ACSM3: variants seen among roughly 807,000 people sequenced by gnomAD.
ACSM3 encodes the protein acyl-CoA synthetase medium chain family member 3.
In ACSM3, 61 loss-of-function variants were observed where a neutral mutation model predicts 74.1. The ratio of observed to expected loss-of-function variants is 0.82; its 90% CI spans 0.67 to 1.02. The LOEUF (loss-of-function observed/expected upper bound fraction) is 1.02. Among genes scored for constraint, ACSM3 ranks in the 50% least tolerant of loss-of-function variants. ACSM3 has a pLI of 0.00. For missense variants in ACSM3, 660 were observed against 697.0 expected (o/e 0.95, Z 0.60); for synonymous variants, 213 against 241.5 (o/e 0.88, Z 1.09).
chr16:20,689,904 C>G (rs28502691), intron 1 of ACSM3, among the ~76,000 whole-genome samples: 2 of 152,054 alleles, frequency 1.3e-5, no homozygotes, highest in African/African-American at 2.4e-5. Context: ...CCTGCTCTCC[C>G]ACTTATTAGA....
chr16:20,775,207 C>A (rs2080241406), intron 2 of ACSM3, among the ~76,000 whole-genome samples: 1 of 152,092 alleles, frequency 6.6e-6, no homozygotes, highest in Non-Finnish European at 1.5e-5. Flanking sequence ...GGCCCCAGGG[C>A]AAGATGTAGT....
Position 20,790,685 on chromosome 16 carries a change from C to T in ACSM3, c.1323C>T (p.Tyr441=), listed in dbSNP as rs34381224. ...PNRPFGLFTH[Y]VDNPSKTAST... The stretch of plus-strand genomic sequence containing the variant: ...GACCATTTGGCCTTTTTACTCATTA[C>T]GTAGTAAGTGACTTACTAAATAATC... Residue 441 remains tyrosine, a synonymous_variant, in exon 10 of 14, where the codon TAC becomes TAT. Coordinates refer to ENST00000289416, the MANE Select transcript of ACSM3 (RefSeq NM_005622.4). This position sits in a 1 kb window ranked among gnomAD's most constrained non-coding sequence, Gnocchi z 4.0. 9 of 1,613,414 alleles carry T rather than the reference C, an allele frequency of 5.6e-6. No homozygotes were observed. The highest frequency in any genetic ancestry group is 1.3e-5 in the African/African-American group (1 of 74,908).
chr16:20,734,910 C>G (rs372683472), intron 1 of ACSM3: 1 of 152,168 alleles, frequency 6.6e-6, no homozygotes, highest in Non-Finnish European at 1.5e-5. Flanking sequence ...GACAAGGGTT[C>G]CTCATAGGTT....
At chr16:20,780,387 C>A in intron 4 of ACSM3, 1 of 465,098 alleles carries the variant, frequency 2.2e-6, no homozygotes, top group Non-Finnish European at 3.8e-6. Context: ...TCCATGATTG[C>A]AAGATCACAC....
At chr16:20,729,374 C>T in intron 1 of ACSM3, 2 of 1,331,474 alleles carry the variant, frequency 1.5e-6, no homozygotes, top group South Asian at 2.4e-5. Context: ...AGATTTGCCA[C>T]TCTTAAGAGG....
intron 1 of ACSM3, chr16:20,735,514 G>A (rs1357663937): frequency 1.3e-5 from 2 of 151,232 alleles, no homozygotes; most frequent in African/African-American, 2.4e-5. Flanking sequence ...GTGCTATAAT[G>A]TCAACATCAG....
rs1250264091 is a variant in ACSM3 at position 20,753,048 on chromosome 16, AAAG to A, written c.-95-2520_-95-2518del. ...ATGTTCTACAATGAATTACAAAGAA[AAAG>A]AAGAGAGAGATGGAATTTATAGATT... is the stretch of plus-strand genomic sequence containing the variant. On this transcript the variant is annotated intron_variant, in intron 2 of 3. Transcript: ENST00000561584. 2.0e-5 allele frequency among the ~76,000 whole-genome samples: 3 copies of A among 152,218 alleles called. No individual in the cohort carries two copies. In the East Asian group the frequency reaches 5.8e-4, roughly 29 times the overall value.
intron 1 of ACSM3, chr16:20,721,225 G>T: frequency 6.6e-6 from 1 of 152,184 alleles, no homozygotes; most frequent in East Asian, 1.9e-4. Context: ...CGGATGTCTT[G>T]TTCATCATTG....
intron 1 of ACSM3, among the ~76,000 whole-genome samples, chr16:20,678,048 CAAAG>C (rs2079346934): frequency 1.3e-5 from 1 of 78,892 alleles, no homozygotes; most frequent in Non-Finnish European, 2.2e-5. Context: ...ATAAATGAGA[CAAAG>C]AGGCAAAGCA....
At chr16:20,777,257 G>A in intron 3 of ACSM3, 116 bp from the exon 4 acceptor site, 1 of 966,202 alleles carries the variant, frequency 1.0e-6, no homozygotes, top group Admixed American at 2.8e-5. Flanking sequence ...ATATCTTCCT[G>A]GTAAACTGAC....
At chr16:20,704,329 T>C (rs1175178793) in intron 1 of ACSM3, among the ~76,000 whole-genome samples, 1 of 152,186 alleles carries the variant, frequency 6.6e-6, no homozygotes, top group Non-Finnish European at 1.5e-5. Flanking sequence ...ACATTCAAGA[T>C]TTTTAGCTAC....
At chr16:20,675,987 G>A (rs1279856878) in intron 1 of ACSM3, 1 of 152,222 alleles carries the variant, frequency 6.6e-6, no homozygotes, top group African/African-American at 2.4e-5. Context: ...AAAGTCTCAG[G>A]AAAGAGAAAA....
At chr16:20,779,285 T>C (rs548393848) in intron 4 of ACSM3, among the ~76,000 whole-genome samples, 281 of 151,692 alleles carry the variant, frequency 1.9e-3, no homozygotes, top group Non-Finnish European at 3.0e-3. Context: ...TAGCCAGGCA[T>C]GGTGATGCAT....
Position 20,769,984 on chromosome 16 carries a change from A to G in ACSM3, c.-51A>G, listed in dbSNP as rs576303905. 8 of 1,577,866 alleles carry G rather than the reference A, an allele frequency of 5.1e-6. No individual in the cohort carries two copies. In the South Asian group the frequency reaches 7.8e-5, roughly 15 times the overall value. On this transcript the variant is annotated splice_region_variant and 5_prime_UTR_variant, in exon 2 of 14. The change abolishes an upstream ATG in the 5' untranslated region. Coordinates refer to ENST00000289416, the MANE Select transcript of ACSM3 (RefSeq NM_005622.4). ...TATGTCCTTTTTGCTTGTCTTTTAGATGAACTGGTCTCTGTGCAAATCCTG... is the reference window on the plus strand; with the variant it reads ...TATGTCCTTTTTGCTTGTCTTTTAGGTGAACTGGTCTCTGTGCAAATCCTG...
At chr16:20,771,185 C>T (rs1404738352) in intron 2 of ACSM3, among the ~76,000 whole-genome samples, 2 of 152,110 alleles carry the variant, frequency 1.3e-5, no homozygotes, top group Non-Finnish European at 2.9e-5. Context: ...CCTCAGCCTC[C>T]CGAGTAGCCG....
chr16:20,705,489 T>C (rs1286229780), intron 1 of ACSM3, among the ~76,000 whole-genome samples: 2 of 152,126 alleles, frequency 1.3e-5, no homozygotes, highest in Non-Finnish European at 2.9e-5. Context: ...TCAATTTTTA[T>C]GGAAAAATTT....
intron 1 of ACSM3, chr16:20,727,419 G>A: frequency 3.7e-6 from 2 of 542,064 alleles, no homozygotes; most frequent in Admixed American, 2.1e-5. Flanking sequence ...GCAGTGGAGG[G>A]CACAAACTGG....
At chr16:20,739,862 A>T (rs982729977) in intron 1 of ACSM3, among the ~76,000 whole-genome samples, 2 of 151,818 alleles carry the variant, frequency 1.3e-5, no homozygotes, top group Admixed American at 1.3e-4. Context: ...GGAAGAGGGA[A>T]TTCCCGCAGA....
At chr16:20,753,873 AAAG>A (rs2080007396) in intron 2 of ACSM3, among the ~76,000 whole-genome samples, 1 of 149,898 alleles carries the variant, frequency 6.7e-6, no homozygotes, top group Admixed American at 6.6e-5. Context: ...AAGAGAAAGA[AAAG>A]AGAGAGAGAG....
Sources: gnomAD v4.1 joint callset for allele counts (sites outside exome capture counted in the v4.1 genomes callset) on GRCh38, gnomAD v4.1.1 for gene constraint, Gnocchi (gnomAD v3.1) non-coding constraint, MANE v1.5 for transcripts, NCBI Gene and HGNC (gene_info 2026-07-23, HGNC 2026-07-21) for gene names.